The following MYRF variants were observed in gnomAD, a reference collection of about 807,000 sequenced individuals.
The protein encoded by MYRF is myelin gene regulatory factor.
In MYRF, 16 loss-of-function variants were observed where a neutral mutation model predicts 126.3. The observed-to-expected ratio is 0.13, with a 90% confidence interval of 0.09 to 0.19. The LOEUF (loss-of-function observed/expected upper bound fraction) is 0.19, where lower values mean the gene tolerates loss of function less well. Among genes scored for constraint, MYRF ranks in the 10% least tolerant of loss-of-function variants. The pLI, the probability that MYRF is intolerant of heterozygous loss-of-function variation, is 1.00. For missense variants in MYRF, 1,104 were observed against 1,547.0 expected (o/e 0.71, Z 4.80); for synonymous variants, 608 against 635.3 (o/e 0.96, Z 0.65).
At chr11:61,761,861 T>C (rs1053753543) in intron 1 of MYRF, among the ~76,000 whole-genome samples, 6 of 152,222 alleles carry the variant, frequency 3.9e-5, no homozygotes, top group Admixed American at 3.3e-4. Context: ...ATATGAGCCA[T>C]GTAAAGTGCA....
At position 61,776,807 on chromosome 11, in the gene MYRF, C is replaced by A; in HGVS notation, c.1520C>A (p.Ala507Asp). ...PDQRYFMLVV[A>D]LQAHAQNQNY... is the part of the protein sequence containing the mutation. ...CCCAGGTACTTCATGCTGGTGGTGG[C>A]CCTCCAGGCTCATGCACAGAACCAG... Residue 507 changes from alanine to aspartate, a missense_variant, in exon 11 of 27, where the codon GCC becomes GAC. By Grantham distance (126) the Ala-to-Asp change is moderately radical. This residue lies in a region of MYRF where 48 missense variants were observed against 148.2 expected (regional missense o/e 0.32). Transcript: ENST00000278836. This position sits in a 1 kb window ranked among gnomAD's most constrained non-coding sequence, Gnocchi z 4.3. 6.2e-7 allele frequency: 1 copy of A among 1,604,982 alleles called. No homozygotes were observed. Among genetic ancestry groups the A allele is most frequent in the Non-Finnish European group, 8.5e-7 (1 of 1,176,166 alleles).
At position 61,783,507 on chromosome 11, in the gene MYRF, T is replaced by C. The variant is rs150188938; in HGVS notation, c.3026T>C (p.Leu1009Pro). ...TWAQGQSASLLAEPVPSLTSI... is the reference protein window; with the variant it reads ...TWAQGQSASLPAEPVPSLTSI... ...ACTCCTGCCCCAACAGCCTCTCTCC[T>C]TGCAGAGCCAGTGCCCTCCCTGACC... Residue 1009 changes from leucine (L) to proline (P), a missense_variant, in exon 23 of 27, where the codon CTT becomes CCT. Leu to Pro is a moderately conservative substitution (Grantham distance 98). This residue lies in a region of MYRF where 323 missense variants were observed against 383.1 expected (regional missense o/e 0.84). Coordinates refer to ENST00000278836, the MANE Select transcript of MYRF (RefSeq NM_001127392.3). This position sits in a 1 kb window ranked among gnomAD's most constrained non-coding sequence, Gnocchi z 4.6. 2.0e-4 allele frequency: 330 copies of C among 1,613,654 alleles called. 2 individuals are homozygous for C. In the African/African-American group the frequency reaches 3.7e-3, roughly 18 times the overall value.
chr11:61,783,765 G>A lies in MYRF; in HGVS notation c.3120-86G>A. 6.9e-7 allele frequency: 1 copy of A among 1,440,158 alleles called. No homozygotes were observed. Among genetic ancestry groups the A allele is most frequent in the South Asian group, 1.2e-5 (1 of 82,042 alleles). The allele number at this position is 1,440,158 out of a possible 1,614,324, so 89.2% of individuals were successfully genotyped here. ...ACACTGTCTCTTCTGGAGGGCTCCAGTACAGATTGGGGGCTGAGGAGTCCC... is the reference window on the plus strand; with the variant it reads ...ACACTGTCTCTTCTGGAGGGCTCCAATACAGATTGGGGGCTGAGGAGTCCC... On this transcript the variant is annotated intron_variant, in intron 23 of 26. Transcript: ENST00000278836. The surrounding 1 kb of genome is among the most constrained non-coding windows in gnomAD (Gnocchi z 4.6).
Position 61,779,533 on chromosome 11 carries a change from TC to T in MYRF, c.2215del (p.His739ThrfsTer51). The T allele has an allele frequency of 6.6e-7, 1 of 1,507,822 alleles. No individual in the cohort carries two copies. The highest frequency in any genetic ancestry group is 8.9e-7 in the Non-Finnish European group (1 of 1,127,438). 93.4% of individuals were successfully genotyped at this position (1,507,822 alleles called of 1,614,324 possible). A position where few individuals can be genotyped will look rare whatever the true frequency, so the allele number is the denominator to read the frequency against. On this transcript the variant is annotated frameshift_variant, in exon 16 of 27. Transcript: ENST00000278836. LOFTEE classifies it high-confidence loss of function. ...AGSQFSRAGSVPHKKRPPKVA... is the reference protein window; with the variant it reads ...AGSQFSRAGSXPHKKRPPKVA... ...AGCCAGTTCAGTCGGGCGGGCAGCG[TC>T]CCCCACAAGAAGAGGCCCCCCAAGG...
Position 61,784,423 on chromosome 11 carries a change from G to A in MYRF, c.3300+38G>A, listed in dbSNP as rs201290496. Reference sequence around the variant, plus strand: ...GGGAAGCTGCGGGCCGGCCAGGCCCGAGCTGCTTCTCTCCTGGCACAACTG... The same window carrying A: ...GGGAAGCTGCGGGCCGGCCAGGCCCAAGCTGCTTCTCTCCTGGCACAACTG... On this transcript the variant is annotated intron_variant, in intron 25 of 26. Coordinates refer to ENST00000278836, the MANE Select transcript of MYRF (RefSeq NM_001127392.3). 3.1e-4 allele frequency: 475 copies of A among 1,556,264 alleles called. No individual in the cohort carries two copies. In the Middle Eastern group the frequency reaches 3.1e-3, roughly 10 times the overall value.
intron 4 of MYRF, 116 bp from the exon 5 acceptor site, chr11:61,770,129 GC>G: frequency 1.5e-5 from 16 of 1,057,048 alleles, no homozygotes; most frequent in Non-Finnish European, 2.1e-5. Flanking sequence ...GTGGGGGGCA[GC>G]CCCCGGGCTT....
chr11:61,757,615 G>T lies in MYRF; in HGVS notation c.46+4825G>T. ...CTCTGGCCCAGCGTGGCCTGGTCCTGGTCCCTGGCACATCCAGTGGGGCCC... is the reference window on the plus strand; with the variant it reads ...CTCTGGCCCAGCGTGGCCTGGTCCTTGTCCCTGGCACATCCAGTGGGGCCC... On this transcript the variant is annotated intron_variant, in intron 1 of 26. Transcript: ENST00000278836. The surrounding 1 kb of genome is among the most constrained non-coding windows in gnomAD (Gnocchi z 4.7). The T allele has an allele frequency of 6.6e-6, 3 of 452,078 alleles. 1 individual carries two copies. The highest frequency in any genetic ancestry group is 3.1e-5 in the South Asian group (2 of 64,282). 28.0% of individuals were successfully genotyped at this position (452,078 alleles called of 1,614,324 possible). A position where few individuals can be genotyped will look rare whatever the true frequency, so the allele number is the denominator to read the frequency against.
Position 61,752,803 on chromosome 11 carries a change from G to C in MYRF, c.46+13G>C. 1.3e-6 allele frequency: 2 copies of C among 1,486,360 alleles called. No individual in the cohort carries two copies. The highest frequency in any genetic ancestry group is 1.8e-6 in the Non-Finnish European group (2 of 1,123,922). The allele number at this position is 1,486,360 out of a possible 1,614,324, so 92.1% of individuals were successfully genotyped here. A position where few individuals can be genotyped will look rare whatever the true frequency, so the allele number is the denominator to read the frequency against. On this transcript the variant is annotated intron_variant, in intron 1 of 26. Coordinates refer to ENST00000278836, the MANE Select transcript of MYRF (RefSeq NM_001127392.3). Reference sequence around the variant, plus strand: ...CGCTTCTTCGAAGGTGAGAGACCGCGGGCTGGCGGCGGCGACCCTCTGGCG... The same window carrying C: ...CGCTTCTTCGAAGGTGAGAGACCGCCGGCTGGCGGCGGCGACCCTCTGGCG...
chr11:61,779,863 C>A lies in MYRF; in HGVS notation c.2269C>A (p.Gln757Lys), dbSNP rs2066490904. The change falls in exon 17 of 27, where the codon CAG becomes AAG. Residue 757 changes from glutamine to lysine, a missense_variant. Coordinates refer to ENST00000278836, the MANE Select transcript of MYRF (RefSeq NM_001127392.3). ...TCAGTCATCGTCCGTGGTTCCGGAC[C>A]AGGCCTGCATCAGCCAGCGCTTCCT... ...ASKSSSVVPDQACISQRFLQG... is the reference protein window; with the variant it reads ...ASKSSSVVPDKACISQRFLQG... 6.2e-7 allele frequency: 1 copy of A among 1,614,104 alleles called. No homozygotes were observed. Among genetic ancestry groups the A allele is most frequent in the Non-Finnish European group, 8.5e-7 (1 of 1,179,956 alleles).
chr11:61,785,939 G>C, intron 26 of MYRF, 65 bp downstream of exon 26: 1 of 1,577,164 alleles, frequency 6.3e-7, no homozygotes, highest in Non-Finnish European at 8.7e-7. Context: ...TGGGGCTTGA[G>C]GAATGGGGGG....
At position 61,766,097 on chromosome 11, in the gene MYRF, C is replaced by A; in HGVS notation, c.274C>A (p.Pro92Thr). The change falls in exon 3 of 27, where the codon CCC (proline) becomes ACC (threonine). Residue 92 changes from proline to threonine, a missense_variant. Coordinates refer to ENST00000278836, the MANE Select transcript of MYRF (RefSeq NM_001127392.3). ...PSPGRHGPLP[P>T]PGYGTPLNCN... ...CCCGGGGCGCCATGGTCCCCTCCCA[C>A]CCCCGGGCTACGGCACCCCGCTGAA... The A allele has an allele frequency of 6.2e-7, 1 of 1,606,702 alleles. No homozygotes were observed. The highest frequency in any genetic ancestry group is 8.5e-7 in the Non-Finnish European group (1 of 1,178,696).
At chr11:61,755,771 G>C in intron 1 of MYRF, 1 of 572,854 alleles carries the variant, frequency 1.7e-6, no homozygotes, top group Non-Finnish European at 3.3e-6. Flanking sequence ...GATTCTAGGG[G>C]CACATGAGGC....
rs753510637 is a variant in MYRF, at chr11:61,776,151, T to G, written c.1388+19T>G. The G allele has an allele frequency of 1.9e-6, 3 of 1,613,564 alleles. No individual in the cohort carries two copies. The East Asian group carries it at 6.7e-5, about 36-fold the overall frequency. ...CGGTCACGTGAGTGTCTGACCCTGT[T>G]GGGGGTGGTACCTAGAAGGGTCCAC... On this transcript the variant is annotated intron_variant, in intron 9 of 26. Coordinates refer to ENST00000278836, the MANE Select transcript of MYRF (RefSeq NM_001127392.3). This position sits in a 1 kb window ranked among gnomAD's most constrained non-coding sequence, Gnocchi z 4.3.
In MYRF at chr11:61,766,056, C is replaced by G. The variant is rs1270666186; in HGVS notation, c.233C>G (p.Pro78Arg). The G allele has an allele frequency of 6.2e-7, 1 of 1,603,774 alleles. No individual in the cohort carries two copies. Residue 78 changes from proline to arginine, a missense_variant, in exon 3 of 27, where the codon CCT becomes CGT. This residue lies in a region of MYRF where 368 missense variants were observed against 403.9 expected (regional missense o/e 0.91). Transcript: ENST00000278836. The part of the protein sequence containing the change: ...GSSGVHHLSP[P>R]GGGPSPGRHG... ...AGCGGGGTCCACCACCTGAGCCCCCCTGGGGGTGGACCCTCCCCGGGGCGC... is the reference window on the plus strand; with the variant it reads ...AGCGGGGTCCACCACCTGAGCCCCCGTGGGGGTGGACCCTCCCCGGGGCGC...
chr11:61,755,731 C>T (rs753967868), intron 1 of MYRF: 29 of 645,202 alleles, frequency 4.5e-5, no homozygotes, highest in African/African-American at 1.1e-4. Context: ...TATGAATGGC[C>T]GAGCCTGGAA....
intron 2 of MYRF, 24 bp downstream of exon 2, chr11:61,765,736 T>A (rs754451896): frequency 1.9e-6 from 3 of 1,597,336 alleles, no homozygotes; most frequent in Non-Finnish European, 2.6e-6. Flanking sequence ...TCGCCCGGCC[T>A]GCACCCGCCC....
rs540830101 is a variant in MYRF, at chr11:61,778,753, G to A, written c.2013+264G>A. ...TGGAGGGCCATGGCCTTCCACCCCC[G>A]GTAAAATGAGGGCGGTAATAGAACT... is the stretch of plus-strand genomic sequence containing the variant. On this transcript the variant is annotated intron_variant, in intron 14 of 26. Coordinates refer to ENST00000278836, the MANE Select transcript of MYRF (RefSeq NM_001127392.3). The surrounding 1 kb of genome is among the most constrained non-coding windows in gnomAD (Gnocchi z 4.6). 18 of 621,180 alleles carry A rather than the reference G, an allele frequency of 2.9e-5. No homozygotes were observed. The East Asian group carries it at 4.4e-4, about 15-fold the overall frequency. 38.5% of individuals were successfully genotyped at this position (621,180 alleles called of 1,614,324 possible). A position where few individuals can be genotyped will look rare whatever the true frequency, so the allele number is the denominator to read the frequency against.
chr11:61,767,291 C>T (rs1308671321), intron 3 of MYRF: 19 of 456,600 alleles, frequency 4.2e-5, no homozygotes, highest in South Asian at 7.7e-5. Context: ...ATTTGGTAAG[C>T]GCCTGCTGGT....
At chr11:61,775,981 G>C in intron 8 of MYRF, 75 bp from the exon 9 acceptor site, 2 of 1,440,050 alleles carry the variant, frequency 1.4e-6, no homozygotes, top group South Asian at 2.3e-5. Context: ...GGCCAGGCCT[G>C]GCTGAGAGGG....
Sources: gnomAD v4.1 joint callset for allele counts (sites outside exome capture counted in the v4.1 genomes callset) on GRCh38, gnomAD v4.1.1 for gene constraint, gnomAD v4.1.1 regional missense constraint, Gnocchi (gnomAD v3.1) non-coding constraint, MANE v1.5 for transcripts, NCBI Gene and HGNC (gene_info 2026-07-23, HGNC 2026-07-21) for gene names.